The following GLYATL2 variants were observed in gnomAD, a reference collection of about 807,000 sequenced individuals.
GLYATL2 encodes the protein glycine N-acyltransferase-like protein 2.
In GLYATL2, 25 loss-of-function variants were observed where a neutral mutation model predicts 21.4. The ratio of observed to expected loss-of-function variants is 1.17; its 90% CI spans 0.85 to 1.63. The LOEUF is 1.63. GLYATL2 is among the 40% of genes most tolerant of loss of function. The pLI, the probability that GLYATL2 is intolerant of heterozygous loss-of-function variation, is 0.00. For missense variants in GLYATL2, 361 were observed against 343.3 expected (o/e 1.05, Z -0.41); for synonymous variants, 114 against 118.2 (o/e 0.96, Z 0.23).
rs898842081 is a variant in GLYATL2 at position 58,867,088 on chromosome 11, C to T, written n.61-28720G>A. 7.4e-5 allele frequency among the ~76,000 whole-genome samples: 11 copies of T among 148,914 alleles called. 1 individual carries two copies. Among genetic ancestry groups the T allele is most frequent in the Non-Finnish European group, 1.5e-4 (10 of 67,126 alleles). On this transcript the variant is annotated intron_variant and non_coding_transcript_variant, in intron 1 of 4. Coordinates refer to the GLYATL2 transcript ENST00000533636. ...AGCCTCCCACAGACACTCAGCCATG[C>T]GGTTCCCATTCCCTGCCATGAGCAA...
intron 1 of GLYATL2, among the ~76,000 whole-genome samples, chr11:58,864,625 G>A (rs1387593213): frequency 1.3e-5 from 2 of 149,190 alleles, no homozygotes; most frequent in African/African-American, 2.4e-5. Flanking sequence ...GCCTGTGGGT[G>A]GGGTGACACA....
chr11:58,901,462 AAAACAAAC>A (rs926667565), intron 1 of GLYATL2, among the ~76,000 whole-genome samples: 1 of 152,152 alleles, frequency 6.6e-6, no homozygotes, highest in East Asian at 1.9e-4. Context: ...AATCCCCATT[AAAACAAAC>A]AAACAAACAA....
At chr11:58,874,963 C>A (rs1237171711) in intron 1 of GLYATL2, among the ~76,000 whole-genome samples, 1 of 152,164 alleles carries the variant, frequency 6.6e-6, no homozygotes, top group African/African-American at 2.4e-5. Flanking sequence ...CTTTATGAAT[C>A]TGGGTGCTCC....
intron 1 of GLYATL2, among the ~76,000 whole-genome samples, chr11:58,891,698 G>T (rs1854546954): frequency 6.6e-6 from 1 of 152,156 alleles, no homozygotes. Flanking sequence ...TTTGAGCCAA[G>T]TTTAAAAATT....
intron 1 of GLYATL2, among the ~76,000 whole-genome samples, chr11:58,891,111 T>A (rs79188973): frequency 0.012 from 1,771 of 152,346 alleles, 13 homozygotes; most frequent in Non-Finnish European, 0.016. Context: ...GTTTTGGCCA[T>A]ATTCAGGAAC....
At chr11:58,845,165 A>C (rs1172119834), upstream of GLYATL2, among the ~76,000 whole-genome samples, 1 of 152,206 alleles carries the variant, frequency 6.6e-6, no homozygotes, top group Non-Finnish European at 1.5e-5. Context: ...TTTGTTAACA[A>C]TACAAGAACT....
chr11:58,877,045 G>T (rs994226054), intron 1 of GLYATL2, among the ~76,000 whole-genome samples: 8 of 152,238 alleles, frequency 5.3e-5, no homozygotes, highest in Non-Finnish European at 1.0e-4. Context: ...AGACGGCTGT[G>T]CTAGCAATGA....
intron 1 of GLYATL2, among the ~76,000 whole-genome samples, chr11:58,841,468 T>C (rs1006921064): frequency 7.2e-5 from 11 of 152,180 alleles, no homozygotes; most frequent in African/African-American, 2.7e-4. Context: ...ATGTGAAGTG[T>C]TTAGCATGGT....
upstream of GLYATL2, among the ~76,000 whole-genome samples, chr11:58,846,519 C>CGG (rs767171663): frequency 0.014 from 2,093 of 150,056 alleles, 61 homozygotes; most frequent in African/African-American, 0.048. Flanking sequence ...TCTCTGGGCA[C>CGG]GGGGGTAGAA....
intron 1 of GLYATL2, among the ~76,000 whole-genome samples, chr11:58,841,382 G>A (rs1043642567): frequency 6.6e-6 from 1 of 152,136 alleles, no homozygotes; most frequent in African/African-American, 2.4e-5. Flanking sequence ...CTCTGCCTCA[G>A]TTGCATTATC....
At position 58,855,239 on chromosome 11, in the gene GLYATL2, A is replaced by G. The variant is rs766407704; in HGVS notation, n.61-16871T>C. ...TAGCCTTAGAGAATGATAAATAATA[A>G]GACTTGTAAAGTTGAAATTACTCCT... On this transcript the variant is annotated intron_variant and non_coding_transcript_variant, in intron 1 of 4. Coordinates refer to the GLYATL2 transcript ENST00000533636. 5.3e-5 allele frequency among the ~76,000 whole-genome samples: 8 copies of G among 152,344 alleles called. No individual in the cohort carries two copies. The East Asian group carries it at 1.5e-3, about 29-fold the overall frequency.
intron 1 of GLYATL2, among the ~76,000 whole-genome samples, chr11:58,852,621 A>G (rs139990646): frequency 6.6e-6 from 1 of 152,340 alleles, no homozygotes; most frequent in East Asian, 1.9e-4. Flanking sequence ...AAAATAGCCG[A>G]TCCAGGATTA....
intron 1 of GLYATL2, among the ~76,000 whole-genome samples, chr11:58,894,459 G>GAACA (rs1854600138): frequency 9.2e-6 from 1 of 108,476 alleles, no homozygotes; most frequent in Non-Finnish European, 1.7e-5. Context: ...GGATTACTGT[G>GAACA]AACATTGCAG....
chr11:58,896,463 C>A (rs1360430024), intron 1 of GLYATL2, among the ~76,000 whole-genome samples: 3 of 152,216 alleles, frequency 2.0e-5, no homozygotes, highest in Admixed American at 2.0e-4. Flanking sequence ...CCTTTTGCGT[C>A]CACATCTTCA....
intron 2 of GLYATL2, among the ~76,000 whole-genome samples, chr11:58,838,626 T>TA (rs1329970868): frequency 6.6e-6 from 1 of 152,188 alleles, no homozygotes; most frequent in African/African-American, 2.4e-5. Context: ...CATTCATTTC[T>TA]AAAAAATTCA....
At chr11:58,850,155 T>C (rs1853714002) in intron 1 of GLYATL2, among the ~76,000 whole-genome samples, 2 of 152,182 alleles carry the variant, frequency 1.3e-5, no homozygotes, top group South Asian at 2.1e-4. Context: ...GCATCTTTGT[T>C]GTGTTCCAGC....
intron 1 of GLYATL2, among the ~76,000 whole-genome samples, chr11:58,894,038 G>T (rs1854591760): frequency 6.6e-6 from 1 of 152,180 alleles, no homozygotes; most frequent in African/African-American, 2.4e-5. Context: ...AATCAAGTGG[G>T]CTGGCCTTGT....
rs530003686 is a variant in GLYATL2 at position 58,852,537 on chromosome 11, A to G, written n.61-14169T>C. ...ACAACTCTATGAGGTAATCATTACT[A>G]TTATCCACATTTTATGGAGCAGGAA... On this transcript the variant is annotated intron_variant and non_coding_transcript_variant, in intron 1 of 4. Coordinates refer to the GLYATL2 transcript ENST00000533636. Among the ~76,000 whole-genome samples the G allele has an allele frequency of 1.4e-4, 21 of 152,340 alleles. No homozygotes were observed. The East Asian group carries it at 3.9e-3, about 28-fold the overall frequency.
At chr11:58,894,903 G>A (rs867207494) in intron 1 of GLYATL2, among the ~76,000 whole-genome samples, 4 of 152,240 alleles carry the variant, frequency 2.6e-5, no homozygotes, top group South Asian at 2.1e-4. Flanking sequence ...AAATAAACTC[G>A]GGAACTTGGG....
Sources: allele counts gnomAD v4.1 joint callset (sites outside exome capture counted in the v4.1 genomes callset), GRCh38; gene constraint gnomAD v4.1.1; transcripts MANE v1.5; gene names NCBI Gene and HGNC (gene_info 2026-07-23, HGNC 2026-07-21).